Variants in ATM observed in about 807,000 individuals in gnomAD.
ATM encodes the protein serine-protein kinase ATM.
ATM carries 308 observed loss-of-function variants against 387.0 expected under a neutral mutation model. That is an observed-to-expected ratio of 0.80 (90% CI 0.73 to 0.87). The LOEUF (loss-of-function observed/expected upper bound fraction) is 0.87. Among genes scored for constraint, ATM ranks in the 40% least tolerant of loss-of-function variants. The pLI, the probability that ATM is intolerant of heterozygous loss-of-function variation, is 0.00. For synonymous variants in ATM, 1,156 were observed against 1,187.3 expected, an observed-to-expected ratio of 0.97 and a Z score of 0.54; for missense variants, 3,312 against 3,560.9, an observed-to-expected ratio of 0.93 and a Z score of 1.78.
chr11:108,329,039 A>C lies in ATM; in HGVS notation c.7108A>C (p.Asn2370His). Residue 2370 changes from asparagine to histidine, a missense_variant, in exon 49 of 63, where the codon AAT becomes CAT. This residue lies in a region of ATM where 1,405 missense variants were observed against 1,604.4 expected (regional missense o/e 0.88). Transcript: ENST00000675843. ...YLEKAVEVAG[N>H]YDGESSDELR... is the part of the protein sequence containing the mutation. ...CTTGAAGGCAGTAGAAGTTGCTGGA[A>C]ATTATGATGGAGAAAGTAGTGATGA... 6.2e-7 allele frequency: 1 copy of C among 1,614,098 alleles called. No homozygotes were observed. Among genetic ancestry groups the C allele is most frequent in the Non-Finnish European group, 8.5e-7 (1 of 1,179,990 alleles).
intron 57 of ATM, 39 bp downstream of exon 57, chr11:108,343,410 TTTAA>T (rs1565558833): frequency 6.2e-7 from 1 of 1,610,050 alleles, no homozygotes; most frequent in Non-Finnish European, 8.5e-7. Flanking sequence ...TGTAAGATTA[TTTAA>T]TGGCTTATTA....
At position 108,282,282 on chromosome 11, in the gene ATM, C is replaced by G. The variant is rs560023948; in HGVS notation, c.3577-428C>G. 2.0e-5 allele frequency among the ~76,000 whole-genome samples: 3 copies of G among 152,164 alleles called. No homozygotes were observed. In the East Asian group the frequency reaches 5.8e-4, roughly 29 times the overall value. On this transcript the variant is annotated intron_variant, in intron 24 of 62. Transcript: ENST00000675843. ...AGCTGGGACTACAGGCGCCCGTCGTCACATCCACACACCTGGCTAATTTAT... is the reference window on the plus strand; with the variant it reads ...AGCTGGGACTACAGGCGCCCGTCGTGACATCCACACACCTGGCTAATTTAT...
At chr11:108,330,165 C>G (rs1262374046) in intron 49 of ATM, 49 bp from the exon 50 acceptor site, 1 of 1,571,846 alleles carries the variant, frequency 6.4e-7, no homozygotes, top group South Asian at 1.1e-5. Context: ...TTTTGTAGTT[C>G]TGTTAAAGTT....
At chr11:108,328,955 T>G in intron 48 of ATM, 66 bp from the exon 49 acceptor site, 1 of 1,464,474 alleles carries the variant, frequency 6.8e-7, no homozygotes, top group South Asian at 1.2e-5. Context: ...TACCTTAATT[T>G]GAGTGATTCT....
chr11:108,299,315 CTT>C (rs34021496), intron 33 of ATM, among the ~76,000 whole-genome samples: 35 of 143,320 alleles, frequency 2.4e-4, no homozygotes, highest in Middle Eastern at 3.6e-3. Context: ...TTCTCTCTCT[CTT>C]TTTTTTTTTT....
chr11:108,282,348 G>C (rs1348566582), intron 24 of ATM, among the ~76,000 whole-genome samples: 2 of 152,056 alleles, frequency 1.3e-5, no homozygotes, highest in African/African-American at 4.8e-5. Flanking sequence ...AGCTGGTCTT[G>C]AACTCTTGGG....
Position 108,365,079 on chromosome 11 carries a change from T to G in ATM, c.8851-3T>G, listed in dbSNP as rs748874219. 4.0e-5 allele frequency: 65 copies of G among 1,613,896 alleles called. No individual in the cohort carries two copies. The highest frequency in any genetic ancestry group is 5.0e-5 in the Non-Finnish European group (59 of 1,179,866). The stretch of plus-strand genomic sequence containing the variant: ...TTTTAATACATATGTTCTCTCTGTT[T>G]AGGTCCTTCTATATGATCCACTCTT... On this transcript the variant is annotated splice_polypyrimidine_tract_variant and splice_region_variant and intron_variant, in intron 61 of 62. Coordinates refer to ENST00000675843, the MANE Select transcript of ATM (RefSeq NM_000051.4).
chr11:108,283,005 G>T, intron 25 of ATM, 126 bp downstream of exon 25: 1 of 614,272 alleles, frequency 1.6e-6, no homozygotes, highest in South Asian at 2.2e-5. Context: ...AGCCTACATA[G>T]TATGAGAAGC....
At chr11:108,344,428 T>C (rs994876489) in intron 57 of ATM, among the ~76,000 whole-genome samples, 2 of 151,950 alleles carry the variant, frequency 1.3e-5, no homozygotes, top group African/African-American at 2.4e-5. Flanking sequence ...AAAGATGAGA[T>C]TGGAGCAGTA....
chr11:108,323,123 G>T (rs2085352281), intron 45 of ATM, among the ~76,000 whole-genome samples: 1 of 152,168 alleles, frequency 6.6e-6, no homozygotes, highest in Admixed American at 6.5e-5. Context: ...TTTGGAATAT[G>T]TTTTGGAAGT....
chr11:108,331,771 C>T (rs2086269167), intron 51 of ATM, 108 bp from the exon 52 acceptor site: 1 of 1,362,058 alleles, frequency 7.3e-7, no homozygotes, highest in Non-Finnish European at 1.0e-6. Context: ...ACGCTCTACC[C>T]ACTGCAGTAT....
At chr11:108,311,999 A>G (rs1009899449) in intron 39 of ATM, among the ~76,000 whole-genome samples, 2 of 152,196 alleles carry the variant, frequency 1.3e-5, no homozygotes, top group African/African-American at 4.8e-5. Flanking sequence ...AGTTAATATC[A>G]GATGTCTTAA....
intron 10 of ATM, 99 bp from the exon 11 acceptor site, chr11:108,251,738 C>T (rs2080156501): frequency 8.8e-7 from 1 of 1,135,416 alleles, no homozygotes; most frequent in Non-Finnish European, 1.3e-6. Context: ...TTCATTTAGT[C>T]ACCTTAACTA....
chr11:108,235,722 GA>G lies in ATM; in HGVS notation c.387del (p.Asp130IlefsTer23), dbSNP rs745642834. On this transcript the variant is annotated frameshift_variant, in exon 5 of 63. Transcript: ENST00000675843. LOFTEE classifies it high-confidence loss of function. ...ELLNYIMDTV[K>X]DSSNGAIYGA... ...TCTTAAATTATATCATGGATACAGT[GA>G]AAGATTCATCTAATGGTGCTATTTA... 4.3e-6 allele frequency: 7 copies of G among 1,612,604 alleles called. No homozygotes were observed. The South Asian group carries it at 6.6e-5, about 15-fold the overall frequency.
intron 61 of ATM, among the ~76,000 whole-genome samples, chr11:108,356,622 A>G (rs770682300): frequency 1.5e-4 from 23 of 151,580 alleles, no homozygotes; most frequent in Non-Finnish European, 3.4e-4. Flanking sequence ...ATTTTACTCT[A>G]CCTAGTTTCA....
chr11:108,359,673 A>G lies in ATM; in HGVS notation c.8850+4799A>G, dbSNP rs538720046. 2.8e-4 allele frequency among the ~76,000 whole-genome samples: 42 copies of G among 152,310 alleles called. No homozygotes were observed. The Middle Eastern group carries it at 0.017, about 62-fold the overall frequency. On this transcript the variant is annotated intron_variant, in intron 61 of 62. Transcript: ENST00000675843. ...AAAACCGCTCAACTACATGGAAACC[A>G]AACAACCTGCTCCTGAATGACTACT...
intron 43 of ATM, 94 bp downstream of exon 43, chr11:108,317,615 T>TTATATATACATA (rs1555115020): frequency 4.7e-6 from 1 of 211,244 alleles, no homozygotes; most frequent in Non-Finnish European, 8.5e-6. Context: ...AGGAGTTGTT[T>TTATATATACATA]TATATATATA....
chr11:108,230,184 G>A (rs1429122984), intron 4 of ATM: 1 of 152,318 alleles, frequency 6.6e-6, no homozygotes, highest in Non-Finnish European at 1.5e-5. Context: ...GGGAGGCCAA[G>A]GCAGGCAGAT....
At chr11:108,344,007 T>C (rs924715405) in intron 57 of ATM, among the ~76,000 whole-genome samples, 12 of 152,194 alleles carry the variant, frequency 7.9e-5, no homozygotes, top group African/African-American at 2.2e-4. Context: ...TCATAATCCT[T>C]ATCCTCATTT....
Sources: allele counts gnomAD v4.1 joint callset (sites outside exome capture counted in the v4.1 genomes callset), GRCh38; gene constraint gnomAD v4.1.1; regional missense constraint gnomAD v4.1.1; transcripts MANE v1.5; gene names NCBI Gene and HGNC (gene_info 2026-07-23, HGNC 2026-07-21).